Variants in TMEM132D observed in about 807,000 individuals in gnomAD.
The protein encoded by TMEM132D is mature OL transmembrane protein.
In TMEM132D, 21 loss-of-function variants were observed where a neutral mutation model predicts 62.3. The observed-to-expected ratio is 0.34, with a 90% confidence interval of 0.24 to 0.49. The LOEUF (loss-of-function observed/expected upper bound fraction) is 0.49, where lower values mean the gene tolerates loss of function less well. Among genes scored for constraint, TMEM132D ranks in the 20% least tolerant of loss-of-function variants. The pLI is 0.99. For missense variants in TMEM132D, 1,346 were observed against 1,402.8 expected, an observed-to-expected ratio of 0.96 and a Z score of 0.65; for synonymous variants, 621 against 575.6, an observed-to-expected ratio of 1.08 and a Z score of -1.13.
chr12:129,191,852 T>C (rs543698748), intron 5 of TMEM132D, among the ~76,000 whole-genome samples: 10 of 152,346 alleles, frequency 6.6e-5, no homozygotes, highest in African/African-American at 2.4e-4. Context: ...GGGACTTTTT[T>C]GTTACTGCTT....
chr12:129,711,092 A>C (rs529147755), intron 1 of TMEM132D, among the ~76,000 whole-genome samples: 1 of 152,154 alleles, frequency 6.6e-6, no homozygotes, highest in South Asian at 2.1e-4. Flanking sequence ...CCTTCTCAGC[A>C]CCTTCCCTCA....
intron 3 of TMEM132D, among the ~76,000 whole-genome samples, chr12:129,435,847 C>T (rs1472292179): frequency 1.3e-5 from 2 of 152,162 alleles, no homozygotes; most frequent in African/African-American, 4.8e-5. Context: ...TATCAAATAT[C>T]GTTTCTTCAT....
intron 7 of TMEM132D, among the ~76,000 whole-genome samples, chr12:129,081,011 C>G (rs1369046697): frequency 1.3e-5 from 2 of 152,126 alleles, no homozygotes; most frequent in Non-Finnish European, 2.9e-5. Flanking sequence ...ATCAGGCCCG[C>G]GGCTGTGACT....
At chr12:129,748,652 G>GA (rs1264018322) in intron 1 of TMEM132D, among the ~76,000 whole-genome samples, 1 of 152,192 alleles carries the variant, frequency 6.6e-6, no homozygotes, top group Non-Finnish European at 1.5e-5. Flanking sequence ...CCCGATGGAG[G>GA]AAAAACAAAG....
At chr12:129,688,324 A>G (rs1880979951) in intron 2 of TMEM132D, among the ~76,000 whole-genome samples, 1 of 152,198 alleles carries the variant, frequency 6.6e-6, no homozygotes, top group South Asian at 2.1e-4. Context: ...GTAGAGATGT[A>G]ACCAGTGATT....
chr12:129,187,216 A>C (rs1169903934), intron 5 of TMEM132D, among the ~76,000 whole-genome samples: 1 of 149,614 alleles, frequency 6.7e-6, no homozygotes, highest in Non-Finnish European at 1.5e-5. Context: ...TGGATCCCTG[A>C]GTCACCAGGT....
At chr12:129,814,623 A>AAC (rs1872291576) in intron 1 of TMEM132D, among the ~76,000 whole-genome samples, 4 of 151,340 alleles carry the variant, frequency 2.6e-5, no homozygotes, top group African/African-American at 2.4e-5. Context: ...AAAAAAAAAA[A>AAC]AAAAAAAACT....
intron 4 of TMEM132D, among the ~76,000 whole-genome samples, chr12:129,256,174 G>A (rs1038031648): frequency 1.3e-5 from 2 of 152,050 alleles, no homozygotes; most frequent in Non-Finnish European, 1.5e-5. Flanking sequence ...CCGCCTCTGG[G>A]GTTCAAGCGA....
chr12:129,839,727 C>T (rs2137342527), intron 1 of TMEM132D, among the ~76,000 whole-genome samples: 2 of 152,276 alleles, frequency 1.3e-5, no homozygotes, highest in Middle Eastern at 6.8e-3. Context: ...TGAACCAGTC[C>T]ATAGCAGGTC....
intron 2 of TMEM132D, among the ~76,000 whole-genome samples, chr12:129,615,569 A>C (rs1878891244): frequency 6.7e-6 from 1 of 148,150 alleles, no homozygotes; most frequent in African/African-American, 2.5e-5. Flanking sequence ...TGGGCAATAT[A>C]GTGAGACCCC....
At chr12:129,421,516 T>A (rs1872323900) in intron 3 of TMEM132D, among the ~76,000 whole-genome samples, 1 of 152,178 alleles carries the variant, frequency 6.6e-6, no homozygotes, top group Admixed American at 6.5e-5. Context: ...TAAACATGTT[T>A]CAGTTTCCAG....
intron 3 of TMEM132D, among the ~76,000 whole-genome samples, chr12:129,509,831 G>A (rs1444061571): frequency 5.3e-5 from 8 of 152,052 alleles, no homozygotes; most frequent in Non-Finnish European, 1.0e-4. Context: ...GTAGTACTCC[G>A]TTGTATATAT....
At chr12:129,364,895 A>T (rs1423258694) in intron 3 of TMEM132D, among the ~76,000 whole-genome samples, 1 of 152,192 alleles carries the variant, frequency 6.6e-6, no homozygotes, top group African/African-American at 2.4e-5. Flanking sequence ...TTATACAAAC[A>T]CTTTCACTTT....
At chr12:129,887,462 C>G (rs1184589507) in intron 1 of TMEM132D, among the ~76,000 whole-genome samples, 1 of 152,174 alleles carries the variant, frequency 6.6e-6, no homozygotes, top group Non-Finnish European at 1.5e-5. Flanking sequence ...CCTCTGACAT[C>G]AAAGTACATA....
chr12:129,704,457 G>A (rs565611003), intron 1 of TMEM132D, among the ~76,000 whole-genome samples: 45 of 152,342 alleles, frequency 3.0e-4, no homozygotes, highest in African/African-American at 1.0e-3. Flanking sequence ...AAACATCAAG[G>A]CGTCTTGCTG....
At chr12:129,482,622 A>G (rs1417076052) in intron 3 of TMEM132D, among the ~76,000 whole-genome samples, 4 of 152,232 alleles carry the variant, frequency 2.6e-5, no homozygotes, top group African/African-American at 7.2e-5. Flanking sequence ...CTGGTAATTA[A>G]AGAAAATCAA....
intron 4 of TMEM132D, among the ~76,000 whole-genome samples, chr12:129,283,452 A>C (rs1881208385): frequency 6.6e-6 from 1 of 152,194 alleles, no homozygotes; most frequent in African/African-American, 2.4e-5. Flanking sequence ...TCAGCCTCCC[A>C]AAGTGCTGGA....
At chr12:129,258,753 A>T (rs1880475584) in intron 4 of TMEM132D, among the ~76,000 whole-genome samples, 1 of 152,224 alleles carries the variant, frequency 6.6e-6, no homozygotes, top group Admixed American at 6.5e-5. Flanking sequence ...CTGGACATGG[A>T]TCACCTACTT....
At position 129,629,667 on chromosome 12, in the gene TMEM132D, A is replaced by G. The variant is rs139571241; in HGVS notation, c.968+70143T>C. ...TTAGGCCCAACAGTTAATGCCTAATAATAAAAAAAAAAAACTATACAAACA... is the reference window on the plus strand; with the variant it reads ...TTAGGCCCAACAGTTAATGCCTAATGATAAAAAAAAAAAACTATACAAACA... On this transcript the variant is annotated intron_variant, in intron 2 of 8. Transcript: ENST00000422113. 9.1e-3 allele frequency among the ~76,000 whole-genome samples: 1,251 copies of G among 137,196 alleles called. 4 individuals are homozygous for G. The highest frequency in any genetic ancestry group is 0.023 in the Middle Eastern group (6 of 266). The allele number at this position is 137,196 out of a possible 152,430, so 90.0% of individuals were successfully genotyped here. A position where few individuals can be genotyped will look rare whatever the true frequency, so the allele number is the denominator to read the frequency against.
Sources: allele counts gnomAD v4.1 joint callset (sites outside exome capture counted in the v4.1 genomes callset), GRCh38; gene constraint gnomAD v4.1.1; transcripts MANE v1.5; gene names NCBI Gene and HGNC (gene_info 2026-07-23, HGNC 2026-07-21).